The following PTN variants were observed in gnomAD, a reference collection of about 807,000 sequenced individuals.
PTN encodes the protein heparin affin regulatory protein.
Under a neutral mutation model 24.1 loss-of-function variants are expected in PTN, and 18 were observed. That is an observed-to-expected ratio of 0.75 (90% CI 0.52 to 1.11). The LOEUF is 1.11. PTN is among the 50% of genes least tolerant of loss of function. The pLI, the probability that PTN is intolerant of heterozygous loss-of-function variation, is 0.00. For missense variants in PTN, 163 were observed against 198.8 expected (o/e 0.82, Z 1.08); for synonymous variants, 78 against 68.6 (o/e 1.14, Z -0.67).
At chr7:137,265,137 C>CTA (rs1809118138) in intron 1 of PTN, among the ~76,000 whole-genome samples, 4 of 152,130 alleles carry the variant, frequency 2.6e-5, no homozygotes, top group Admixed American at 1.3e-4. Flanking sequence ...TTAACTGTCA[C>CTA]CTACTAAAAT....
chr7:137,291,111 A>C (rs1459960792), intron 1 of PTN, among the ~76,000 whole-genome samples: 1 of 152,192 alleles, frequency 6.6e-6, no homozygotes, highest in Admixed American at 6.5e-5. Flanking sequence ...ATATATATTT[A>C]TTCCCATGAG....
At chr7:137,311,113 C>T (rs1242971028) in intron 1 of PTN, among the ~76,000 whole-genome samples, 7 of 151,724 alleles carry the variant, frequency 4.6e-5, no homozygotes, top group Non-Finnish European at 1.0e-4. Context: ...ACACCTGTAA[C>T]CCCAACTACT....
chr7:137,326,568 T>C (rs2128882112), intron 1 of PTN: 1 of 152,282 alleles, frequency 6.6e-6, no homozygotes, highest in South Asian at 2.1e-4. Context: ...TATAGTGAAG[T>C]GGGGAGAGAT....
At chr7:137,266,270 G>A (rs952278920) in intron 1 of PTN, among the ~76,000 whole-genome samples, 1 of 152,074 alleles carries the variant, frequency 6.6e-6, no homozygotes, top group African/African-American at 2.4e-5. Context: ...TTTAAAACTT[G>A]CTTAAACTTT....
chr7:137,310,400 T>G (rs920094667), intron 1 of PTN, among the ~76,000 whole-genome samples: 46 of 108,790 alleles, frequency 4.2e-4, no homozygotes, highest in East Asian at 9.8e-4. Flanking sequence ...GTTTTTTTTT[T>G]TTTGTTTTTT....
Position 137,254,900 on chromosome 7 carries a change from G to T in PTN, c.74C>A (p.Ala25Glu). 7.6e-6 allele frequency: 12 copies of T among 1,585,438 alleles called. No homozygotes were observed. Among genetic ancestry groups the T allele is most frequent in the Non-Finnish European group, 9.5e-6 (11 of 1,158,662 alleles). ...CCCTGCTTCAGCAGTATCCACAGCTGCCAGTATGAAAATGAATGCCAAGAA... is the reference window on the plus strand; with the variant it reads ...CCCTGCTTCAGCAGTATCCACAGCTTCCAGTATGAAAATGAATGCCAAGAA... ...AAFLAFIFIL[A>E]AVDTAEAGKK... The change falls in exon 2 of 5, where the codon GCA becomes GAA. Residue 25 changes from alanine to glutamate, a missense_variant. Ala to Glu is a moderately radical substitution (Grantham distance 107). Transcript: ENST00000348225.
intron 1 of PTN, among the ~76,000 whole-genome samples, chr7:137,268,853 CTTAA>C (rs1204489490): frequency 6.6e-6 from 1 of 152,160 alleles, no homozygotes; most frequent in Non-Finnish European, 1.5e-5. Context: ...CTTATTTCCC[CTTAA>C]TTCTTTCCTA....
intron 1 of PTN, among the ~76,000 whole-genome samples, chr7:137,258,401 A>G (rs1252972059): frequency 6.6e-6 from 1 of 152,174 alleles, no homozygotes; most frequent in Non-Finnish European, 1.5e-5. Flanking sequence ...ACACAAGTCC[A>G]TGTGTACAGT....
intron 4 of PTN, among the ~76,000 whole-genome samples, chr7:137,233,037 T>G (rs1252563360): frequency 6.6e-6 from 1 of 151,970 alleles, no homozygotes; most frequent in Non-Finnish European, 1.5e-5. Context: ...AGCACGAGAA[T>G]GGGCTAATAC....
chr7:137,257,594 G>T (rs1052174312), intron 1 of PTN, among the ~76,000 whole-genome samples: 4 of 152,172 alleles, frequency 2.6e-5, no homozygotes, highest in African/African-American at 9.7e-5. Context: ...CCCAGAGGCT[G>T]GCTGAAAGCC....
At chr7:137,289,206 G>A (rs1809603293) in intron 1 of PTN, among the ~76,000 whole-genome samples, 1 of 152,078 alleles carries the variant, frequency 6.6e-6, no homozygotes, top group East Asian at 1.9e-4. Flanking sequence ...ATAAAAGAAG[G>A]GAACATAGCT....
At chr7:137,257,669 G>A (rs1418342221) in intron 1 of PTN, among the ~76,000 whole-genome samples, 2 of 152,224 alleles carry the variant, frequency 1.3e-5, no homozygotes, top group South Asian at 2.1e-4. Context: ...TTATTTTTTT[G>A]ATTCAGAACT....
At chr7:137,256,048 G>A (rs1563201807) in intron 1 of PTN, among the ~76,000 whole-genome samples, 1 of 152,132 alleles carries the variant, frequency 6.6e-6, no homozygotes. Context: ...AACGTTTCAT[G>A]TATATAAGGG....
Position 137,282,783 on chromosome 7 carries a change from T to C in PTN, c.-1-27809A>G, listed in dbSNP as rs761089187. ...AAGGATTTTTCAATATACTTAGTGATGATCTAAAAATAAATTAGTTGGAGG... is the reference window on the plus strand; with the variant it reads ...AAGGATTTTTCAATATACTTAGTGACGATCTAAAAATAAATTAGTTGGAGG... On this transcript the variant is annotated intron_variant, in intron 1 of 4. Coordinates refer to ENST00000348225, the MANE Select transcript of PTN (RefSeq NM_002825.7). Among the ~76,000 whole-genome samples the C allele has an allele frequency of 3.9e-5, 6 of 152,328 alleles. No individual in the cohort carries two copies. In the East Asian group the frequency reaches 5.8e-4, roughly 15 times the overall value.
At chr7:137,317,595 A>C (rs549445494) in intron 1 of PTN, among the ~76,000 whole-genome samples, 2 of 152,302 alleles carry the variant, frequency 1.3e-5, no homozygotes, top group African/African-American at 4.8e-5. Context: ...AAATGTTCTC[A>C]TCCTACAGCA....
chr7:137,339,318 T>C (rs1449823842), intron 1 of PTN, among the ~76,000 whole-genome samples: 1 of 152,028 alleles, frequency 6.6e-6, no homozygotes, highest in Non-Finnish European at 1.5e-5. Context: ...CATGTTCTAT[T>C]TCTTAAACAT....
intron 1 of PTN, among the ~76,000 whole-genome samples, chr7:137,258,001 A>C (rs1808965486): frequency 6.6e-6 from 1 of 152,200 alleles, no homozygotes; most frequent in South Asian, 2.1e-4. Context: ...ACATGCACAC[A>C]CAGAGTTATT....
rs372584107 is a variant in PTN, at chr7:137,341,704, T to C, written c.-2+1735A>G. Among the ~76,000 whole-genome samples the C allele has an allele frequency of 2.6e-5, 4 of 152,256 alleles. No individual in the cohort carries two copies. The East Asian group carries it at 5.8e-4, about 22-fold the overall frequency. On this transcript the variant is annotated intron_variant, in intron 1 of 4. Coordinates refer to ENST00000348225, the MANE Select transcript of PTN (RefSeq NM_002825.7). ...TGTGGCTTCAGGTGGGAGTTCCTTATAGTGGCTTTTCACTAAATGCAGAAA... is the reference window on the plus strand; with the variant it reads ...TGTGGCTTCAGGTGGGAGTTCCTTACAGTGGCTTTTCACTAAATGCAGAAA...
chr7:137,337,179 G>A (rs1267120219), intron 1 of PTN, among the ~76,000 whole-genome samples: 3 of 152,176 alleles, frequency 2.0e-5, no homozygotes, highest in Non-Finnish European at 4.4e-5. Context: ...GATAAACATT[G>A]AAGACAGGGA....
Sources: gnomAD v4.1 joint callset for allele counts (sites outside exome capture counted in the v4.1 genomes callset) on GRCh38, gnomAD v4.1.1 for gene constraint, MANE v1.5 for transcripts, NCBI Gene and HGNC (gene_info 2026-07-23, HGNC 2026-07-21) for gene names.